The following FER variants were observed in gnomAD, a reference collection of about 807,000 sequenced individuals.
FER encodes the protein FER tyrosine kinase, also known as tyrosine-protein kinase Fer.
Under a neutral mutation model 111.0 loss-of-function variants are expected in FER, and 63 were observed. The observed-to-expected ratio is 0.57, with a 90% CI of 0.46 to 0.70. The LOEUF (loss-of-function observed/expected upper bound fraction) is 0.70. FER is among the 30% of genes least tolerant of loss of function. The pLI, the probability that FER is intolerant of heterozygous loss-of-function variation, is 0.00. For synonymous variants in FER, 327 were observed against 313.9 expected, an observed-to-expected ratio of 1.04 and a Z score of -0.44; for missense variants, 914 against 954.0, an observed-to-expected ratio of 0.96 and a Z score of 0.55.
Position 108,867,958 on chromosome 5 carries a change from A to G in FER, c.665+8A>G, listed in dbSNP as rs1474391112. On this transcript the variant is annotated splice_region_variant and intron_variant, in intron 6 of 19. Coordinates refer to ENST00000281092, the MANE Select transcript of FER (RefSeq NM_005246.4). ...AGAAATGATAAAAGCACTGTAAGATACATTTTCTTTTTATCATAAAATCCC... is the reference window on the plus strand; with the variant it reads ...AGAAATGATAAAAGCACTGTAAGATGCATTTTCTTTTTATCATAAAATCCC... 2.5e-6 allele frequency: 4 copies of G among 1,591,850 alleles called. No homozygotes were observed. The highest frequency in any genetic ancestry group is 1.1e-5 in the South Asian group (1 of 87,844).
intron 17 of FER, among the ~76,000 whole-genome samples, chr5:109,165,167 A>G (rs1561979359): frequency 6.6e-6 from 1 of 152,114 alleles, no homozygotes; most frequent in Non-Finnish European, 1.5e-5. Context: ...CTACATATAT[A>G]TTTTTTGAAT....
intron 17 of FER, among the ~76,000 whole-genome samples, chr5:109,168,315 T>A (rs908527673): frequency 6.6e-6 from 1 of 152,122 alleles, no homozygotes; most frequent in African/African-American, 2.4e-5. Flanking sequence ...ATGAGTTGAC[T>A]GACAGCTGGC....
At chr5:108,900,517 A>G (rs1749853760) in intron 10 of FER, among the ~76,000 whole-genome samples, 1 of 152,226 alleles carries the variant, frequency 6.6e-6, no homozygotes, top group Admixed American at 6.5e-5. Context: ...ATGGTATACA[A>G]TTTCAATAAG....
chr5:108,838,835 G>T (rs1474506544), intron 5 of FER, among the ~76,000 whole-genome samples: 1 of 152,012 alleles, frequency 6.6e-6, no homozygotes, highest in Non-Finnish European at 1.5e-5. Flanking sequence ...AACATTAAAT[G>T]TGCATTGCTG....
At chr5:109,079,632 A>G (rs764905621) in intron 16 of FER, among the ~76,000 whole-genome samples, 3 of 152,164 alleles carry the variant, frequency 2.0e-5, no homozygotes, top group Admixed American at 6.6e-5. Flanking sequence ...TAGAAAGAAC[A>G]CATGTCAGTG....
chr5:108,981,245 G>A (rs1761986608), intron 13 of FER, among the ~76,000 whole-genome samples: 1 of 151,850 alleles, frequency 6.6e-6, no homozygotes, highest in Non-Finnish European at 1.5e-5. Context: ...AAAAGTCAGA[G>A]CATATTTATG....
chr5:108,753,581 C>G (rs1392816749), intron 1 of FER, among the ~76,000 whole-genome samples: 2 of 152,184 alleles, frequency 1.3e-5, no homozygotes, highest in Non-Finnish European at 2.9e-5. Context: ...AAATCTCTAA[C>G]TAGTGCCCCC....
chr5:108,841,924 T>A, intron 5 of FER: 1 of 211,802 alleles, frequency 4.7e-6, no homozygotes, highest in Non-Finnish European at 9.9e-6. Context: ...ATATAGATGC[T>A]GTTTAGGTCC....
At chr5:109,035,443 A>G (rs555186600) in intron 13 of FER, among the ~76,000 whole-genome samples, 26 of 152,306 alleles carry the variant, frequency 1.7e-4, no homozygotes, top group African/African-American at 5.8e-4. Flanking sequence ...AGTGATTTGC[A>G]AGTGCTCTGT....
chr5:108,900,866 T>A (rs1455047659), intron 10 of FER, among the ~76,000 whole-genome samples: 1 of 152,238 alleles, frequency 6.6e-6, no homozygotes, highest in Admixed American at 6.5e-5. Context: ...ATGTTTATTT[T>A]AGCTCTATGA....
At chr5:108,791,370 T>C (rs985868668) in intron 2 of FER, among the ~76,000 whole-genome samples, 1 of 152,160 alleles carries the variant, frequency 6.6e-6, no homozygotes, top group Non-Finnish European at 1.5e-5. Flanking sequence ...TAGTTCTGAT[T>C]TGAATTTTCC....
intron 17 of FER, among the ~76,000 whole-genome samples, chr5:109,108,033 G>A (rs542995133): frequency 1.3e-5 from 2 of 152,216 alleles, no homozygotes; most frequent in African/African-American, 4.8e-5. Context: ...TAGAGCTAGA[G>A]GAGCCAATCT....
At chr5:108,982,257 A>G (rs998604007) in intron 13 of FER, among the ~76,000 whole-genome samples, 13 of 151,916 alleles carry the variant, frequency 8.6e-5, no homozygotes, top group Admixed American at 3.9e-4. Flanking sequence ...GAAAGAAAAA[A>G]AGGGTATCTG....
At chr5:109,083,677 G>A (rs78146915) in intron 16 of FER, among the ~76,000 whole-genome samples, 1,593 of 152,080 alleles carry the variant, frequency 0.01, 23 homozygotes, top group African/African-American at 0.037. Context: ...AAGAATGCAA[G>A]ACCGTCACTG....
intron 13 of FER, among the ~76,000 whole-genome samples, chr5:108,993,664 TGAGGGA>T (rs1382617962): frequency 0.014 from 1,518 of 109,930 alleles, 23 homozygotes; most frequent in African/African-American, 0.046. Context: ...AGGGCGAGGG[TGAGGGA>T]GAGGGAGAGG....
At chr5:108,985,342 C>A (rs953843491) in intron 13 of FER, among the ~76,000 whole-genome samples, 2 of 151,886 alleles carry the variant, frequency 1.3e-5, no homozygotes, top group African/African-American at 4.8e-5. Flanking sequence ...ATAAATTGTT[C>A]TACTCTTTGA....
At position 109,056,531 on chromosome 5, in the gene FER, T is replaced by C. The variant is rs1478425220; in HGVS notation, c.1924+9333T>C. Among the ~76,000 whole-genome samples, 17 of 151,692 alleles carry C rather than the reference T, an allele frequency of 1.1e-4. No individual in the cohort carries two copies. In the South Asian group the frequency reaches 2.9e-3, roughly 26 times the overall value. ...TAAAAAAAAGTCAGATATACAGAGATAGAGAATGAAACGGGTCACTAGGGC... is the reference window on the plus strand; with the variant it reads ...TAAAAAAAAGTCAGATATACAGAGACAGAGAATGAAACGGGTCACTAGGGC... On this transcript the variant is annotated intron_variant, in intron 16 of 19. Transcript: ENST00000281092.
intron 5 of FER, among the ~76,000 whole-genome samples, chr5:108,857,089 C>T (rs964544373): frequency 2.0e-5 from 3 of 152,006 alleles, no homozygotes; most frequent in Non-Finnish European, 4.4e-5. Flanking sequence ...TCATGTTTCC[C>T]AAATGTTCAC....
intron 17 of FER, among the ~76,000 whole-genome samples, chr5:109,162,342 AT>A (rs920126060): frequency 2.0e-5 from 3 of 152,116 alleles, no homozygotes; most frequent in African/African-American, 7.2e-5. Context: ...TAGAAATGCC[AT>A]TTTTTCCATG....
Sources: allele counts gnomAD v4.1 joint callset (sites outside exome capture counted in the v4.1 genomes callset), GRCh38; gene constraint gnomAD v4.1.1; transcripts MANE v1.5; gene names NCBI Gene and HGNC (gene_info 2026-07-23, HGNC 2026-07-21).